The following PIAS2 variants were observed in gnomAD, a reference collection of about 807,000 sequenced individuals.
The protein encoded by PIAS2 is E3 SUMO-protein ligase PIAS2.
PIAS2 carries 19 observed loss-of-function variants against 69.7 expected under a neutral mutation model. The ratio of observed to expected loss-of-function variants is 0.27; its 90% CI spans 0.19 to 0.40. The LOEUF (loss-of-function observed/expected upper bound fraction) is 0.40, where lower values mean the gene tolerates loss of function less well. Ranked by LOEUF, PIAS2 falls within the 10% of genes least tolerant of loss-of-function variation. The probability of loss-of-function intolerance (pLI) is 1.00; values close to 1 mark genes in which losing one functional copy is unlikely to be tolerated. For missense variants in PIAS2, 624 were observed against 757.0 expected (o/e 0.82, Z 2.06); for synonymous variants, 261 against 263.2 (o/e 0.99, Z 0.08).
intron 1 of PIAS2, among the ~76,000 whole-genome samples, chr18:46,905,032 C>T (rs1354911616): frequency 6.6e-6 from 1 of 152,078 alleles, no homozygotes; most frequent in Non-Finnish European, 1.5e-5. Flanking sequence ...ATTAACAAGG[C>T]TACATAATGA....
chr18:46,901,083 A>G (rs1449982494), intron 1 of PIAS2: 7 of 389,974 alleles, frequency 1.8e-5, no homozygotes, highest in South Asian at 1.9e-5. Context: ...TATGAAACTA[A>G]TATTACCATG....
chr18:46,816,149 G>A (rs2041508007), intron 12 of PIAS2: 3 of 984,750 alleles, frequency 3.0e-6, no homozygotes, highest in Admixed American at 6.2e-5. Context: ...AGAAACCATA[G>A]GTCATTAAGA....
chr18:46,859,063 C>T (rs902016572), intron 3 of PIAS2, among the ~76,000 whole-genome samples: 10 of 152,154 alleles, frequency 6.6e-5, no homozygotes, highest in African/African-American at 2.4e-4. Context: ...TAGTATTACT[C>T]TAAAGACCAT....
rs530074001 is a variant in PIAS2, at chr18:46,847,030, T to C, written c.727-189A>G. ...TAACCTTTGAAAAAAGGTTACAAAATATTTCACAAGTCCAGAAAGGTAGGA... is the reference window on the plus strand; with the variant it reads ...TAACCTTTGAAAAAAGGTTACAAAACATTTCACAAGTCCAGAAAGGTAGGA... On this transcript the variant is annotated intron_variant, in intron 5 of 13. Coordinates refer to ENST00000585916, the MANE Select transcript of PIAS2 (RefSeq NM_004671.5). 2.6e-5 allele frequency among the ~76,000 whole-genome samples: 4 copies of C among 152,184 alleles called. No homozygotes were observed. The South Asian group carries it at 8.3e-4, about 32-fold the overall frequency.
At chr18:46,836,021 A>T (rs1568431383) in intron 9 of PIAS2, among the ~76,000 whole-genome samples, 1 of 152,210 alleles carries the variant, frequency 6.6e-6, no homozygotes, top group Non-Finnish European at 1.5e-5. Context: ...GTTTTTGCAT[A>T]GACCCTAATT....
intron 1 of PIAS2, among the ~76,000 whole-genome samples, chr18:46,901,904 T>C (rs907038324): frequency 2.0e-5 from 3 of 152,140 alleles, no homozygotes; most frequent in African/African-American, 7.2e-5. Context: ...TTCAACACAG[T>C]ACTAAAAGTT....
At position 46,827,980 on chromosome 18, in the gene PIAS2, G is replaced by A; in HGVS notation, c.1487C>T (p.Thr496Ile). 3.1e-6 allele frequency: 5 copies of A among 1,613,754 alleles called. No individual in the cohort carries two copies. The highest frequency in any genetic ancestry group is 4.2e-6 in the Non-Finnish European group (5 of 1,179,808). The change falls in exon 11 of 14, where the codon ACA (threonine) becomes ATA (isoleucine). Residue 496 changes from threonine to isoleucine, a missense_variant. Around this residue, in one of 3 missense-constraint regions of PIAS2, gnomAD observed 241 missense variants for 257.3 expected, o/e 0.94. Transcript: ENST00000585916. ...AAACCCTTTGGTTGGGCTGCTTTGT[G>A]TTTCTGACATAAAGATGCATTTCCT... is the stretch of plus-strand genomic sequence containing the variant. ...AKRKCIFMSE[T>I]QSSPTKGVLM... is the part of the protein sequence containing the mutation.
intron 12 of PIAS2, chr18:46,817,861 T>C: frequency 1.0e-6 from 1 of 969,206 alleles, no homozygotes; most frequent in Non-Finnish European, 1.2e-6. Context: ...TTAAGCAGAA[T>C]ATTAAAACTC....
At chr18:46,852,925 T>A (rs1275625522) in intron 5 of PIAS2, 1 of 152,216 alleles carries the variant, frequency 6.6e-6, no homozygotes. Context: ...CCCTCCATAG[T>A]CTTATCTTTC....
chr18:46,849,567 A>G (rs1308969976), intron 5 of PIAS2, among the ~76,000 whole-genome samples: 3 of 151,676 alleles, frequency 2.0e-5, no homozygotes, highest in Non-Finnish European at 2.9e-5. Context: ...ACTGTGACAC[A>G]CTCAAAGAAT....
intron 1 of PIAS2, among the ~76,000 whole-genome samples, chr18:46,901,620 T>C (rs2055872558): frequency 6.6e-6 from 1 of 152,192 alleles, no homozygotes; most frequent in South Asian, 2.1e-4. Flanking sequence ...CTTATCTCTG[T>C]ATTTGTTTTG....
intron 2 of PIAS2, among the ~76,000 whole-genome samples, chr18:46,872,350 T>C (rs73437151): frequency 2.0e-5 from 3 of 152,208 alleles, no homozygotes; most frequent in African/African-American, 7.2e-5. Flanking sequence ...CAGGGACATA[T>C]TTGTTTTTGA....
At chr18:46,833,930 ACCTATTCCCTACTGTAAAGTT>A (rs2044044762) in intron 9 of PIAS2, among the ~76,000 whole-genome samples, 1 of 152,144 alleles carries the variant, frequency 6.6e-6, no homozygotes, top group Admixed American at 6.5e-5. Flanking sequence ...TAATGGGATC[ACCTATTCCCTACTGTAAAGTT>A]CCTTCCTCAT....
intron 12 of PIAS2, chr18:46,815,679 T>A: frequency 2.0e-6 from 2 of 1,022,100 alleles, no homozygotes; most frequent in Non-Finnish European, 2.3e-6. Flanking sequence ...GCTAATGATC[T>A]GGATTTGAAC....
intron 2 of PIAS2, among the ~76,000 whole-genome samples, chr18:46,873,246 A>G (rs1316569406): frequency 1.3e-5 from 2 of 152,236 alleles, no homozygotes; most frequent in African/African-American, 4.8e-5. Context: ...CTTACTAGAA[A>G]GAGGTAACTT....
At chr18:46,845,322 AAG>A (rs1174393012) in intron 6 of PIAS2, among the ~76,000 whole-genome samples, 1 of 152,196 alleles carries the variant, frequency 6.6e-6, no homozygotes, top group Non-Finnish European at 1.5e-5. Flanking sequence ...CAGAGTTCCA[AAG>A]TTCTAATTCT....
chr18:46,861,376 A>G (rs2145561839), intron 3 of PIAS2, among the ~76,000 whole-genome samples: 1 of 152,360 alleles, frequency 6.6e-6, no homozygotes, highest in African/African-American at 2.4e-5. Context: ...TAAAGTAACC[A>G]CTAAAGCCAA....
intron 11 of PIAS2, among the ~76,000 whole-genome samples, chr18:46,826,420 C>T (rs1568383513): frequency 6.6e-6 from 1 of 152,156 alleles, no homozygotes; most frequent in African/African-American, 2.4e-5. Flanking sequence ...CACAACAACT[C>T]ATGAGTCAGC....
At chr18:46,820,872 T>C in intron 12 of PIAS2, 61 bp downstream of exon 12, 1 of 1,515,946 alleles carries the variant, frequency 6.6e-7, no homozygotes, top group Non-Finnish European at 8.9e-7. Context: ...GCTTCACAGA[T>C]TAAGATTAAA....
Sources: gnomAD v4.1 joint callset for allele counts (sites outside exome capture counted in the v4.1 genomes callset) on GRCh38, gnomAD v4.1.1 for gene constraint, gnomAD v4.1.1 regional missense constraint, MANE v1.5 for transcripts, NCBI Gene and HGNC (gene_info 2026-07-23, HGNC 2026-07-21) for gene names.